KIAA0825: variants seen among roughly 807,000 people sequenced by gnomAD.
KIAA0825 encodes KIAA0825, also known as uncharacterized protein KIAA0825.
A neutral mutation model predicts 147.6 loss-of-function variants in KIAA0825; 119 were observed. The ratio of observed to expected loss-of-function variants is 0.81; its 90% CI spans 0.69 to 0.94. The LOEUF is 0.94. Among genes scored for constraint, KIAA0825 ranks in the 40% least tolerant of loss-of-function variants. KIAA0825 has a pLI of 0.00. For missense variants in KIAA0825, 1,381 were observed against 1,472.7 expected (o/e 0.94, Z 1.02); for synonymous variants, 470 against 518.1 (o/e 0.91, Z 1.26).
At chr5:94,484,290 T>C (rs1762798192) in intron 6 of KIAA0825, among the ~76,000 whole-genome samples, 1 of 151,726 alleles carries the variant, frequency 6.6e-6, no homozygotes, top group Non-Finnish European at 1.5e-5. Context: ...CTATATAACA[T>C]TATAACATAT....
rs141253321 is a variant in KIAA0825 at position 94,391,355 on chromosome 5, G to A, written c.3456+180C>T. On this transcript the variant is annotated intron_variant, in intron 18 of 20. Transcript: ENST00000682413. Reference sequence around the variant, plus strand: ...ATAAAATCTACATTGTTTCGGTGAAGCTTTTTCTGTATAAATGCAGAACAG... The same window carrying A: ...ATAAAATCTACATTGTTTCGGTGAAACTTTTTCTGTATAAATGCAGAACAG... Among the ~76,000 whole-genome samples, 52 of 152,296 alleles carry A rather than the reference G, an allele frequency of 3.4e-4. No homozygotes were observed. The East Asian group carries it at 7.9e-3, about 23-fold the overall frequency.
At chr5:94,542,068 ATTG>A (rs902934871) in intron 2 of KIAA0825, among the ~76,000 whole-genome samples, 79 of 152,328 alleles carry the variant, frequency 5.2e-4, no homozygotes, top group African/African-American at 1.9e-3. Context: ...TCCACAGACA[ATTG>A]TTGTCTTGTT....
intron 20 of KIAA0825, among the ~76,000 whole-genome samples, chr5:94,259,914 T>G (rs1776415356): frequency 6.6e-6 from 1 of 152,046 alleles, no homozygotes; most frequent in Non-Finnish European, 1.5e-5. Context: ...GCCATGTGGC[T>G]GAATATCCTA....
chr5:94,255,493 C>T (rs186074376), intron 20 of KIAA0825, among the ~76,000 whole-genome samples: 220 of 151,968 alleles, frequency 1.4e-3, no homozygotes, highest in African/African-American at 4.9e-3. Context: ...CCCTGCACCA[C>T]GCCATCAATG....
rs577776191 is a variant in KIAA0825, at chr5:94,557,446, A to T, written c.-1-20319T>A. Among the ~76,000 whole-genome samples, 36 of 150,436 alleles carry T rather than the reference A, an allele frequency of 2.4e-4. 1 individual carries two copies. The South Asian group carries it at 4.9e-3, about 20-fold the overall frequency. On this transcript the variant is annotated intron_variant, in intron 2 of 20. Transcript: ENST00000682413. Reference sequence around the variant, plus strand: ...TTTAAATCAATTATACAACATACAGATATACAATGAGGGTCCATTTCTGTG... The same window carrying T: ...TTTAAATCAATTATACAACATACAGTTATACAATGAGGGTCCATTTCTGTG...
intron 6 of KIAA0825, among the ~76,000 whole-genome samples, chr5:94,482,895 T>C (rs908646496): frequency 2.6e-5 from 4 of 152,102 alleles, no homozygotes; most frequent in Admixed American, 6.5e-5. Context: ...GTTCATATAG[T>C]TCACTATTAT....
intron 1 of KIAA0825, among the ~76,000 whole-genome samples, chr5:94,608,466 A>G (rs28797279): frequency 0.44 from 7,250 of 16,344 alleles, 1,864 homozygotes; most frequent in South Asian, 0.53. Context: ...TATATATATT[A>G]TATATATAAT....
chr5:94,448,672 A>T (rs974444960), intron 13 of KIAA0825, among the ~76,000 whole-genome samples: 2 of 152,112 alleles, frequency 1.3e-5, no homozygotes, highest in Admixed American at 6.6e-5. Flanking sequence ...GTTTGTCATC[A>T]TCCAATTCCT....
chr5:94,400,512 T>A (rs1336204046), intron 16 of KIAA0825, among the ~76,000 whole-genome samples: 1 of 152,170 alleles, frequency 6.6e-6, no homozygotes, highest in African/African-American at 2.4e-5. Flanking sequence ...AAATGCTGCT[T>A]GCTATTTCTG....
intron 20 of KIAA0825, among the ~76,000 whole-genome samples, chr5:94,299,230 T>TTTA (rs1562356266): frequency 1.9e-4 from 29 of 152,196 alleles, no homozygotes; most frequent in African/African-American, 7.0e-4. Flanking sequence ...TTATTTATTT[T>TTTA]TTTAGCGACA....
At chr5:94,311,498 A>G (rs1053596995) in intron 20 of KIAA0825, among the ~76,000 whole-genome samples, 10 of 151,634 alleles carry the variant, frequency 6.6e-5, no homozygotes, top group Admixed American at 5.3e-4. Flanking sequence ...TACCTGACAT[A>G]ATTTCTTTAC....
intron 6 of KIAA0825, among the ~76,000 whole-genome samples, chr5:94,482,452 G>A (rs190339914): frequency 6.6e-5 from 10 of 152,032 alleles, no homozygotes; most frequent in Admixed American, 5.3e-4. Flanking sequence ...AAATAAACAC[G>A]CAGGAAACCA....
intron 5 of KIAA0825, among the ~76,000 whole-genome samples, chr5:94,509,728 C>T (rs923212290): frequency 6.6e-6 from 1 of 152,180 alleles, no homozygotes; most frequent in African/African-American, 2.4e-5. Flanking sequence ...TTTTTACATA[C>T]TGATTCTACA....
chr5:94,208,077 T>C (rs1772370168), intron 20 of KIAA0825, among the ~76,000 whole-genome samples: 1 of 152,208 alleles, frequency 6.6e-6, no homozygotes, highest in African/African-American at 2.4e-5. Context: ...CATTTATTTT[T>C]TCCAGCAAAT....
chr5:94,446,054 A>G (rs568419017), intron 13 of KIAA0825, among the ~76,000 whole-genome samples: 1 of 152,170 alleles, frequency 6.6e-6, no homozygotes, highest in African/African-American at 2.4e-5. Context: ...TCTCCTGAGG[A>G]TACTAGAAGT....
intron 19 of KIAA0825, among the ~76,000 whole-genome samples, chr5:94,384,985 T>G (rs1485126353): frequency 6.6e-6 from 1 of 152,216 alleles, no homozygotes; most frequent in Non-Finnish European, 1.5e-5. Context: ...AAGTGTAAAT[T>G]ATATAAGTGA....
intron 1 of KIAA0825, among the ~76,000 whole-genome samples, chr5:94,607,504 G>T (rs998361619): frequency 6.6e-6 from 1 of 152,096 alleles, no homozygotes; most frequent in Admixed American, 6.5e-5. Context: ...AGCTACTCAG[G>T]AGGCGGAGGC....
chr5:94,443,149 A>C (rs1757298008), intron 13 of KIAA0825, among the ~76,000 whole-genome samples: 1 of 152,126 alleles, frequency 6.6e-6, no homozygotes, highest in Non-Finnish European at 1.5e-5. Flanking sequence ...TGAAATGTAC[A>C]GTAGAATGAC....
chr5:94,588,609 C>A (rs1584976289), intron 1 of KIAA0825, among the ~76,000 whole-genome samples: 2 of 152,124 alleles, frequency 1.3e-5, no homozygotes, highest in East Asian at 3.9e-4. Flanking sequence ...ATTAGTTCAA[C>A]CATTGTGGAA....
Sources: gnomAD v4.1 joint callset for allele counts (sites outside exome capture counted in the v4.1 genomes callset) on GRCh38, gnomAD v4.1.1 for gene constraint, MANE v1.5 for transcripts, NCBI Gene and HGNC (gene_info 2026-07-23, HGNC 2026-07-21) for gene names.